PTPRD: variants seen among roughly 807,000 people sequenced by gnomAD.
The protein encoded by PTPRD is receptor-type tyrosine-protein phosphatase delta.
A neutral mutation model predicts 214.5 loss-of-function variants in PTPRD; 34 were observed. The observed-to-expected ratio is 0.16, with a 90% CI of 0.12 to 0.21. PTPRD has a LOEUF of 0.21. Ranked by LOEUF, PTPRD falls within the 10% of genes least tolerant of loss-of-function variation. The pLI is 1.00. For synonymous variants in PTPRD, 1,128 were observed against 845.7 expected, an observed-to-expected ratio of 1.33 and a Z score of -5.79; for missense variants, 2,545 against 2,398.7, an observed-to-expected ratio of 1.06 and a Z score of -1.27.
At chr9:10,578,313 A>T (rs2070309924) in intron 2 of PTPRD, among the ~76,000 whole-genome samples, 3 of 152,182 alleles carry the variant, frequency 2.0e-5, no homozygotes, top group African/African-American at 7.2e-5. Context: ...AGATATTGTA[A>T]TATGTATGTT....
chr9:9,103,523 T>C (rs2099794225), intron 10 of PTPRD, among the ~76,000 whole-genome samples: 1 of 152,086 alleles, frequency 6.6e-6, no homozygotes, highest in African/African-American at 2.4e-5. Context: ...AAGCAATTGC[T>C]CACACTAGTT....
chr9:9,921,344 T>C (rs930832257), intron 5 of PTPRD, among the ~76,000 whole-genome samples: 6 of 152,062 alleles, frequency 3.9e-5, no homozygotes, highest in Admixed American at 3.9e-4. Flanking sequence ...TCTCTTTTTG[T>C]AAGGTTATAT....
chr9:9,787,959 T>G (rs1464330449), intron 5 of PTPRD, among the ~76,000 whole-genome samples: 4 of 151,354 alleles, frequency 2.6e-5, no homozygotes, highest in African/African-American at 7.3e-5. Context: ...TTTTTTGTGT[T>G]TTTAGTAAAG....
chr9:8,728,144 A>G (rs12003700), intron 12 of PTPRD, among the ~76,000 whole-genome samples: 12,591 of 152,114 alleles, frequency 0.083, 1,607 homozygotes, highest in African/African-American at 0.27. Flanking sequence ...CAGCTACTAG[A>G]GAGGCTGACG....
intron 11 of PTPRD, among the ~76,000 whole-genome samples, chr9:8,810,121 T>C (rs2096771436): frequency 6.6e-6 from 1 of 152,144 alleles, no homozygotes; most frequent in East Asian, 1.9e-4. Context: ...TGTATAACAA[T>C]CCAATTAATC....
chr9:8,801,235 T>G (rs2154518219), intron 11 of PTPRD, among the ~76,000 whole-genome samples: 1 of 152,298 alleles, frequency 6.6e-6, no homozygotes, highest in South Asian at 2.1e-4. Flanking sequence ...TTGACTCACA[T>G]AGTAATTACT....
Position 9,116,687 on chromosome 9 carries a change from G to T in PTPRD, c.-143+66617C>A, listed in dbSNP as rs1402022170. On this transcript the variant is annotated intron_variant, in intron 10 of 45. Coordinates refer to ENST00000381196, the MANE Select transcript of PTPRD (RefSeq NM_002839.4). ...CTTTTATTTACTTATTGTTTTTCTT[G>T]GGGGGGAAGGGAAAGAGATGGTTAT... 2.0e-5 allele frequency among the ~76,000 whole-genome samples: 3 copies of T among 151,498 alleles called. No individual in the cohort carries two copies. The East Asian group carries it at 5.8e-4, about 29-fold the overall frequency.
intron 3 of PTPRD, among the ~76,000 whole-genome samples, chr9:10,110,668 G>A (rs755995753): frequency 6.6e-6 from 1 of 152,188 alleles, no homozygotes; most frequent in Admixed American, 6.5e-5. Context: ...CTTGCCAAAA[G>A]AAAGCTTACT....
chr9:8,619,053 C>T (rs970689168), intron 14 of PTPRD, among the ~76,000 whole-genome samples: 1 of 151,210 alleles, frequency 6.6e-6, no homozygotes, highest in Admixed American at 6.6e-5. Flanking sequence ...AGCCACTGCA[C>T]CCAGCCATAC....
At chr9:8,837,445 G>A (rs771988708) in intron 11 of PTPRD, among the ~76,000 whole-genome samples, 10 of 152,276 alleles carry the variant, frequency 6.6e-5, no homozygotes, top group Admixed American at 2.0e-4. Flanking sequence ...TTTAATTAAA[G>A]TCAAAATAGG....
At chr9:10,334,472 G>A (rs1222390904) in intron 3 of PTPRD, among the ~76,000 whole-genome samples, 1 of 150,462 alleles carries the variant, frequency 6.6e-6, no homozygotes, top group Non-Finnish European at 1.5e-5. Context: ...TCACATTGGT[G>A]AGAAGCTCGA....
rs184000028 is a variant in PTPRD at position 9,202,474 on chromosome 9, A to G, written c.-202-19111T>C. Among the ~76,000 whole-genome samples the G allele has an allele frequency of 3.8e-4, 58 of 152,284 alleles. 1 individual carries two copies. The highest frequency in any genetic ancestry group is 1.4e-3 in the African/African-American group (58 of 41,560). ...TGGATTGAAAATTTTTCATTTTCAAAATGTCCCAAAGAAAACTGTCACAAG... is the reference window on the plus strand; with the variant it reads ...TGGATTGAAAATTTTTCATTTTCAAGATGTCCCAAAGAAAACTGTCACAAG... On this transcript the variant is annotated intron_variant, in intron 9 of 45. Coordinates refer to ENST00000381196, the MANE Select transcript of PTPRD (RefSeq NM_002839.4).
At chr9:8,361,103 C>A (rs1281698897) in intron 39 of PTPRD, among the ~76,000 whole-genome samples, 1 of 152,080 alleles carries the variant, frequency 6.6e-6, no homozygotes, top group Non-Finnish European at 1.5e-5. Context: ...ATTATGAATG[C>A]GTCAGATTAA....
intron 3 of PTPRD, among the ~76,000 whole-genome samples, chr9:10,254,968 G>C (rs2498612): frequency 0.74 from 111,855 of 152,092 alleles, 42,522 homozygotes; most frequent in Non-Finnish European, 0.84. Context: ...CTTATGTGCT[G>C]TATAAAATCT....
At chr9:9,769,402 T>G (rs912599810) in intron 5 of PTPRD, among the ~76,000 whole-genome samples, 1 of 131,766 alleles carries the variant, frequency 7.6e-6, no homozygotes, top group Non-Finnish European at 1.5e-5. Context: ...CTCCGCTCAC[T>G]GCAAGCTCCG....
chr9:10,496,822 A>T (rs968096592), intron 2 of PTPRD, among the ~76,000 whole-genome samples: 1 of 152,008 alleles, frequency 6.6e-6, no homozygotes, highest in African/African-American at 2.4e-5. Context: ...TTGCTTGTTG[A>T]ACTGCTTAAG....
chr9:8,480,456 T>G (rs372330852), intron 30 of PTPRD, among the ~76,000 whole-genome samples: 39 of 152,206 alleles, frequency 2.6e-4, no homozygotes, highest in African/African-American at 9.4e-4. Context: ...GTGAACTCTT[T>G]GCTTGTCCAA....
intron 34 of PTPRD, among the ~76,000 whole-genome samples, chr9:8,437,669 A>G (rs1326314003): frequency 1.3e-5 from 2 of 152,164 alleles, no homozygotes; most frequent in Non-Finnish European, 2.9e-5. Context: ...CAAACCTACA[A>G]TCTACTTCAG....
At chr9:9,441,433 A>G (rs1000878855) in intron 8 of PTPRD, among the ~76,000 whole-genome samples, 1 of 152,226 alleles carries the variant, frequency 6.6e-6, no homozygotes, top group African/African-American at 2.4e-5. Flanking sequence ...TGGAAAGATA[A>G]TGCTGTCTAT....
Sources: allele counts gnomAD v4.1 joint callset (sites outside exome capture counted in the v4.1 genomes callset), GRCh38; gene constraint gnomAD v4.1.1; transcripts MANE v1.5; gene names NCBI Gene and HGNC (gene_info 2026-07-23, HGNC 2026-07-21).